TPRG1: variants seen among roughly 807,000 people sequenced by gnomAD.
The protein encoded by TPRG1 is tumor protein p63 regulated 1.
Under a neutral mutation model 29.3 loss-of-function variants are expected in TPRG1, and 29 were observed. That is an observed-to-expected ratio of 0.99 (90% CI 0.74 to 1.35). The LOEUF (loss-of-function observed/expected upper bound fraction) is 1.35, where lower values mean the gene tolerates loss of function less well. Ranked by LOEUF, TPRG1 falls within the 40% of genes most tolerant of loss-of-function variation. The pLI, the probability that TPRG1 is intolerant of heterozygous loss-of-function variation, is 0.00. For synonymous variants in TPRG1, 130 were observed against 116.8 expected (o/e 1.11, Z -0.73); for missense variants, 327 against 335.0 (o/e 0.98, Z 0.19).
At chr3:189,096,806 G>A (rs1232756029), upstream of TPRG1, among the ~76,000 whole-genome samples, 3 of 152,184 alleles carry the variant, frequency 2.0e-5, no homozygotes, top group Admixed American at 1.3e-4. Context: ...TTTAGTTGAA[G>A]TAGATGAAGA....
intron 4 of TPRG1, chr3:189,267,677 A>T (rs1158801102): frequency 6.6e-6 from 1 of 152,238 alleles, no homozygotes; most frequent in Non-Finnish European, 1.5e-5. Flanking sequence ...TGGAAAATAG[A>T]GACAGTAGTG....
chr3:189,108,177 T>A (rs958940828), intron 1 of TPRG1, among the ~76,000 whole-genome samples: 1 of 152,166 alleles, frequency 6.6e-6, no homozygotes, highest in Non-Finnish European at 1.5e-5. Context: ...CTGTACAGTA[T>A]GCCCAAGCTT....
At chr3:189,278,287 A>G (rs1420740623) in intron 4 of TPRG1, among the ~76,000 whole-genome samples, 1 of 152,070 alleles carries the variant, frequency 6.6e-6, no homozygotes, top group African/African-American at 2.4e-5. Context: ...TCCCAAGGTG[A>G]GCATTTGGGC....
Position 189,190,745 on chromosome 3 carries a change from T to C in TPRG1, c.-9-16631T>C, listed in dbSNP as rs542238624. On this transcript the variant is annotated intron_variant, in intron 1 of 5. Coordinates refer to ENST00000345063, the MANE Select transcript of TPRG1 (RefSeq NM_198485.4). ...GTGCATATTTTTATAGATAAAGAAG[T>C]TGAGAGGTATGATTACAACATACAT... Among the ~76,000 whole-genome samples, 115 of 152,236 alleles carry C rather than the reference T, an allele frequency of 7.6e-4. 3 individuals are homozygous for C. The South Asian group carries it at 0.023, about 31-fold the overall frequency.
chr3:189,189,958 T>C (rs1731458623), intron 1 of TPRG1, among the ~76,000 whole-genome samples: 1 of 152,198 alleles, frequency 6.6e-6, no homozygotes, highest in Non-Finnish European at 1.5e-5. Context: ...GAAATAGATC[T>C]GATTATTATA....
chr3:189,252,631 G>A (rs757447927), intron 4 of TPRG1, among the ~76,000 whole-genome samples: 2 of 152,038 alleles, frequency 1.3e-5, no homozygotes, highest in African/African-American at 4.8e-5. Flanking sequence ...AATCTTAACC[G>A]CACCATTTTC....
rs958390363 is a variant in TPRG1 at position 189,214,120 on chromosome 3, C to T, written c.211-1172C>T. On this transcript the variant is annotated intron_variant, in intron 2 of 5. Coordinates refer to ENST00000345063, the MANE Select transcript of TPRG1 (RefSeq NM_198485.4). ...GGCTTTGCCAATTATTTTCCATAAGCGAGGCAAATAAGGTTTTAAAAATTC... is the reference window on the plus strand; with the variant it reads ...GGCTTTGCCAATTATTTTCCATAAGTGAGGCAAATAAGGTTTTAAAAATTC... Among the ~76,000 whole-genome samples, 32 of 152,020 alleles carry T rather than the reference C, an allele frequency of 2.1e-4. 1 individual carries two copies. Among genetic ancestry groups the T allele is most frequent in the African/African-American group, 7.0e-4 (29 of 41,370 alleles).
chr3:189,000,015 A>G (rs1489718715), intron 1 of TPRG1, among the ~76,000 whole-genome samples: 2 of 152,130 alleles, frequency 1.3e-5, no homozygotes, highest in African/African-American at 4.8e-5. Flanking sequence ...TCCTTACACC[A>G]TAGCCAAATT....
chr3:189,229,129 T>C (rs983819250), intron 3 of TPRG1, among the ~76,000 whole-genome samples: 4 of 152,152 alleles, frequency 2.6e-5, no homozygotes, highest in Non-Finnish European at 4.4e-5. Context: ...AAGATCCAAA[T>C]AAATGAAGAG....
At chr3:189,245,149 C>T (rs1171237703) in intron 4 of TPRG1, among the ~76,000 whole-genome samples, 4 of 152,068 alleles carry the variant, frequency 2.6e-5, no homozygotes, top group Admixed American at 2.0e-4. Flanking sequence ...CTTGAACTCT[C>T]GACCTCAGGT....
At position 189,012,507 on chromosome 3, in the gene TPRG1, C is replaced by T. The variant is rs186072165; in HGVS notation, c.-660+7747C>T. ...AATGGTGGATAAGCTTTTTGATGTG[C>T]TGCTGGATTTGGTTTTGCCAGTATT... On this transcript the variant is annotated intron_variant, in intron 3 of 10. Coordinates refer to the TPRG1 transcript ENST00000433971. Among the ~76,000 whole-genome samples, 425 of 152,228 alleles carry T rather than the reference C, an allele frequency of 2.8e-3. 1 individual carries two copies. The highest frequency in any genetic ancestry group is 4.0e-3 in the Non-Finnish European group (272 of 68,004).
chr3:189,068,458 A>T (rs908049118), intron 4 of TPRG1, among the ~76,000 whole-genome samples: 9 of 152,332 alleles, frequency 5.9e-5, no homozygotes, highest in African/African-American at 2.4e-5. Context: ...TATACACAAC[A>T]GAGTACTAGT....
At chr3:189,078,509 T>A (rs1717375953) in intron 4 of TPRG1, among the ~76,000 whole-genome samples, 1 of 152,192 alleles carries the variant, frequency 6.6e-6, no homozygotes, top group South Asian at 2.1e-4. Context: ...TTCTTATACA[T>A]CTTCTACTGA....
At chr3:189,121,802 G>T (rs1005067482) in intron 1 of TPRG1, 1 of 152,092 alleles carries the variant, frequency 6.6e-6, no homozygotes, top group Non-Finnish European at 1.5e-5. Flanking sequence ...AAATATGATG[G>T]ATTGAGATAA....
At chr3:189,278,942 G>A (rs565934032) in intron 4 of TPRG1, among the ~76,000 whole-genome samples, 2 of 152,132 alleles carry the variant, frequency 1.3e-5, no homozygotes, top group African/African-American at 4.8e-5. Flanking sequence ...TGTATATATT[G>A]CATACAAGAG....
intron 4 of TPRG1, among the ~76,000 whole-genome samples, chr3:189,066,098 C>T (rs1716426475): frequency 6.6e-6 from 1 of 152,076 alleles, no homozygotes; most frequent in Admixed American, 6.5e-5. Flanking sequence ...TAGACACATA[C>T]AGCCTACCAA....
chr3:189,089,451 A>G (rs562206158), intron 4 of TPRG1, among the ~76,000 whole-genome samples: 9 of 152,284 alleles, frequency 5.9e-5, no homozygotes, highest in Admixed American at 5.2e-4. Flanking sequence ...TCTGTTCCAT[A>G]TTGGTATTTT....
chr3:189,217,779 A>C, intron 3 of TPRG1: 2 of 972,494 alleles, frequency 2.1e-6, no homozygotes, highest in Non-Finnish European at 2.4e-6. Context: ...CAAGCAGAAA[A>C]ATAAGAAAAA....
chr3:189,078,672 G>C (rs1459550203), intron 4 of TPRG1, among the ~76,000 whole-genome samples: 7 of 152,100 alleles, frequency 4.6e-5, no homozygotes, highest in Non-Finnish European at 1.0e-4. Context: ...TTTGATAATA[G>C]ATATATTATG....
Sources: allele counts gnomAD v4.1 joint callset (sites outside exome capture counted in the v4.1 genomes callset), GRCh38; gene constraint gnomAD v4.1.1; transcripts MANE v1.5; gene names NCBI Gene and HGNC (gene_info 2026-07-23, HGNC 2026-07-21).